Variants in MLKL observed in about 807,000 individuals in gnomAD.
The protein encoded by MLKL is mixed lineage kinase domain-like protein.
Under a neutral mutation model 56.5 loss-of-function variants are expected in MLKL, and 55 were observed. The observed-to-expected ratio is 0.97, with a 90% CI of 0.78 to 1.22. The LOEUF (loss-of-function observed/expected upper bound fraction) is 1.22, where lower values mean the gene tolerates loss of function less well. Ranked by LOEUF, MLKL falls within the 50% of genes most tolerant of loss-of-function variation. MLKL has a pLI of 0.00. For missense variants in MLKL, 694 were observed against 573.9 expected, an observed-to-expected ratio of 1.21 and a Z score of -2.14; for synonymous variants, 251 against 208.3, an observed-to-expected ratio of 1.20 and a Z score of -1.76.
chr16:74,697,344 C>T (rs1350192878), intron 1 of MLKL, among the ~76,000 whole-genome samples: 3 of 152,078 alleles, frequency 2.0e-5, no homozygotes, highest in East Asian at 1.9e-4. Context: ...TACCCCATCC[C>T]CTAACTGCAG....
intron 4 of MLKL, among the ~76,000 whole-genome samples, chr16:74,686,670 G>C (rs1267264243): frequency 2.0e-5 from 3 of 152,156 alleles, no homozygotes; most frequent in Non-Finnish European, 2.9e-5. Context: ...ATGTAGGCAG[G>C]TAAATTATTA....
At chr16:74,676,402 C>A in intron 7 of MLKL, 3 of 985,442 alleles carry the variant, frequency 3.0e-6, no homozygotes, top group Non-Finnish European at 3.6e-6. Flanking sequence ...GCTGCCAGCC[C>A]CAAACTCAGC....
chr16:74,685,116 G>A (rs1295136014), intron 5 of MLKL, among the ~76,000 whole-genome samples: 1 of 152,028 alleles, frequency 6.6e-6, no homozygotes, highest in African/African-American at 2.4e-5. Context: ...TGCCTGTCTC[G>A]GCTTACCAAA....
At chr16:74,673,952 T>TAAAAAAAAAAAAAAAAAAAACAAAAA (rs1959404520) in intron 10 of MLKL, among the ~76,000 whole-genome samples, 1 of 104,672 alleles carries the variant, frequency 9.6e-6, no homozygotes, top group Non-Finnish European at 1.8e-5. Flanking sequence ...ACCTCCTCTC[T>TAAAAAAAAAAAAAAAAAAAACAAAAA]AAAAAAAAAA....
Position 74,675,078 on chromosome 16 carries a change from G to A in MLKL, c.1263C>T (p.Arg421=), listed in dbSNP as rs1434596277. The change falls in exon 10 of 11, where the codon CGC becomes CGT. Residue 421 remains arginine (R), a synonymous_variant. Coordinates refer to ENST00000308807, the MANE Select transcript of MLKL (RefSeq NM_152649.4). ...PFQGCNSEKI[R]KLVAVKRQQE... The stretch of plus-strand genomic sequence containing the variant: ...GCTGCCGCTTCACAGCCACCAGCTT[G>A]CGGATCTTCTCAGAATTACAGCCTG... 3.1e-6 allele frequency: 5 copies of A among 1,614,024 alleles called. No homozygotes were observed. The highest frequency in any genetic ancestry group is 4.2e-6 in the Non-Finnish European group (5 of 1,180,044).
chr16:74,690,226 C>T (rs1479592963), intron 4 of MLKL, among the ~76,000 whole-genome samples: 1 of 152,190 alleles, frequency 6.6e-6, no homozygotes, highest in Non-Finnish European at 1.5e-5. Context: ...ATATTGATCA[C>T]TTTATAACTA....
In MLKL at chr16:74,674,996, G is replaced by A. The variant is rs372228840; in HGVS notation, c.1345C>T (p.Arg449Trp). 1.7e-5 allele frequency: 28 copies of A among 1,614,034 alleles called. No homozygotes were observed. Among genetic ancestry groups the A allele is most frequent in the Middle Eastern group, 1.6e-4 (1 of 6,084 alleles). The change falls in exon 10 of 11, where the codon CGG becomes TGG. Residue 449 changes from arginine (R) to tryptophan (W), a missense_variant. Arg to Trp is a moderately radical substitution (Grantham distance 101, BLOSUM62 -3). Coordinates refer to ENST00000308807, the MANE Select transcript of MLKL (RefSeq NM_152649.4). ...GGCCGCACAGAGGGATCATGGGCCC[G>A]GCACTCATCAATGATCTCCCGCAGC... is the stretch of plus-strand genomic sequence containing the variant. Reference protein sequence around the residue: ...SELREIIDECRAHDPSVRPSV... With the variant: ...SELREIIDECWAHDPSVRPSV...
At chr16:74,696,264 C>T (rs1961036085) in intron 1 of MLKL, among the ~76,000 whole-genome samples, 1 of 152,052 alleles carries the variant, frequency 6.6e-6, no homozygotes, top group Non-Finnish European at 1.5e-5. Flanking sequence ...GCATGTAAAC[C>T]GTTAATATTT....
At chr16:74,675,155 T>A (rs1959509518) in intron 9 of MLKL, 55 bp from the exon 10 acceptor site, 1 of 1,600,930 alleles carries the variant, frequency 6.2e-7, no homozygotes, top group South Asian at 1.1e-5. Context: ...CGTACATCTC[T>A]CTGGATGCTG....
At chr16:74,696,384 A>G (rs1173662042) in intron 1 of MLKL, among the ~76,000 whole-genome samples, 1 of 152,192 alleles carries the variant, frequency 6.6e-6, no homozygotes, top group African/African-American at 2.4e-5. Context: ...GAGCTGAGGT[A>G]GTCTTTACTG....
chr16:74,680,983 T>C (rs1211760583), intron 6 of MLKL, among the ~76,000 whole-genome samples: 1 of 152,152 alleles, frequency 6.6e-6, no homozygotes, highest in African/African-American at 2.4e-5. Flanking sequence ...TTTCAATTTA[T>C]GGTAGTAAGA....
chr16:74,693,662 G>C (rs1410932127), intron 2 of MLKL, among the ~76,000 whole-genome samples: 4 of 150,110 alleles, frequency 2.7e-5, no homozygotes, highest in African/African-American at 9.8e-5. Flanking sequence ...GAGTGCAGTG[G>C]AGCGATCTCA....
In MLKL at chr16:74,691,200, G is replaced by T. The variant is rs942274286; in HGVS notation, c.722+77C>A. 14 of 1,376,362 alleles carry T rather than the reference G, an allele frequency of 1.0e-5. No homozygotes were observed. The African/African-American group carries it at 1.8e-4, about 17-fold the overall frequency. 85.3% of individuals were successfully genotyped at this position (1,376,362 alleles called of 1,614,324 possible). A position where few individuals can be genotyped will look rare whatever the true frequency, so the allele number is the denominator to read the frequency against. Reference sequence around the variant, plus strand: ...GGCCCAGGCTTCCTCATCTAAAAATGGAGACGATATCCCTCTCTCCTTGGA... The same window carrying T: ...GGCCCAGGCTTCCTCATCTAAAAATTGAGACGATATCCCTCTCTCCTTGGA... On this transcript the variant is annotated intron_variant, in intron 4 of 10. Transcript: ENST00000308807.
intron 2 of MLKL, among the ~76,000 whole-genome samples, chr16:74,695,021 C>T (rs112429140): frequency 0.088 from 13,413 of 152,058 alleles, 1,095 homozygotes; most frequent in African/African-American, 0.22. Context: ...TACAGGCGCC[C>T]GCCACCATGC....
At chr16:74,677,573 C>G (rs1257368719) in intron 7 of MLKL, 1 of 152,228 alleles carries the variant, frequency 6.6e-6, no homozygotes, top group Non-Finnish European at 1.5e-5. Context: ...CAAGGCTGGT[C>G]TTGAACTCTT....
chr16:74,697,177 A>C (rs1251635662), intron 1 of MLKL, among the ~76,000 whole-genome samples: 1 of 151,486 alleles, frequency 6.6e-6, no homozygotes, highest in Non-Finnish European at 1.5e-5. Flanking sequence ...TCCTACTCTT[A>C]ACCTCTCTCT....
intron 10 of MLKL, among the ~76,000 whole-genome samples, chr16:74,673,130 C>G (rs1464966331): frequency 6.6e-6 from 1 of 152,154 alleles, no homozygotes; most frequent in Non-Finnish European, 1.5e-5. Flanking sequence ...AAGAACAGTC[C>G]TCATGCTCAA....
In MLKL at chr16:74,682,661, C is replaced by T; in HGVS notation, c.946G>A (p.Gly316Ser). ...RMVLVLGAARGLYRLHHSEAP... is the reference protein window; with the variant it reads ...RMVLVLGAARSLYRLHHSEAP... ...TTCACCCCGTCTTACCGGTATAGGCCTCGGGCTGCCCCCAGGACTAGGACC... is the reference window on the plus strand; with the variant it reads ...TTCACCCCGTCTTACCGGTATAGGCTTCGGGCTGCCCCCAGGACTAGGACC... Residue 316 changes from glycine to serine, a missense_variant, in exon 6 of 11, where the codon GGC (glycine) becomes AGC (serine). Coordinates refer to ENST00000308807, the MANE Select transcript of MLKL (RefSeq NM_152649.4). 1 of 1,614,060 alleles carries T rather than the reference C, an allele frequency of 6.2e-7. No individual in the cohort carries two copies. Among genetic ancestry groups the T allele is most frequent in the Non-Finnish European group, 8.5e-7 (1 of 1,180,010 alleles).
intron 4 of MLKL, among the ~76,000 whole-genome samples, chr16:74,686,378 C>T (rs58410555): frequency 4.6e-5 from 7 of 152,252 alleles, no homozygotes; most frequent in Non-Finnish European, 8.8e-5. Context: ...GTCAGGAGTT[C>T]GAGACAATCC....
Sources: gnomAD v4.1 joint callset for allele counts (sites outside exome capture counted in the v4.1 genomes callset) on GRCh38, gnomAD v4.1.1 for gene constraint, MANE v1.5 for transcripts, NCBI Gene and HGNC (gene_info 2026-07-23, HGNC 2026-07-21) for gene names.